The following LOXHD1 variants were observed in gnomAD, a reference collection of about 807,000 sequenced individuals.
The protein encoded by LOXHD1 is lipoxygenase homology domain-containing protein 1.
LOXHD1 carries 205 observed loss-of-function variants against 248.2 expected under a neutral mutation model. The observed-to-expected ratio is 0.83, with a 90% CI of 0.74 to 0.93. The LOEUF is 0.93. Among genes scored for constraint, LOXHD1 ranks in the 40% least tolerant of loss-of-function variants. The probability of loss-of-function intolerance (pLI) is 0.00; values close to 1 mark genes in which losing one functional copy is unlikely to be tolerated. For synonymous variants in LOXHD1, 1,113 were observed against 1,162.8 expected (o/e 0.96, Z 0.87); for missense variants, 2,930 against 2,971.6 (o/e 0.99, Z 0.33).
At chr18:46,512,405 C>T (rs1301143509) in intron 34 of LOXHD1, among the ~76,000 whole-genome samples, 4 of 152,088 alleles carry the variant, frequency 2.6e-5, no homozygotes, top group African/African-American at 9.7e-5. Context: ...GCACCCATTG[C>T]CTAGACACCC....
rs1201148648 is a variant in LOXHD1 at position 46,579,615 on chromosome 18, A to G, written c.1809+15T>C. 1.9e-6 allele frequency: 3 copies of G among 1,551,590 alleles called. No homozygotes were observed. Among genetic ancestry groups the G allele is most frequent in the Non-Finnish European group, 2.6e-6 (3 of 1,146,984 alleles). On this transcript the variant is annotated intron_variant, in intron 13 of 40. Coordinates refer to ENST00000642948, the MANE Select transcript of LOXHD1 (RefSeq NM_001384474.1). ...GGGAGGAAGGGGATGAGTGGGGCAC[A>G]TTGCTGTAACTTACATTGCCCTTTT...
At chr18:46,483,880 T>C in intron 39 of LOXHD1, 135 bp from the exon 40 acceptor site, 3 of 1,042,852 alleles carry the variant, frequency 2.9e-6, no homozygotes, top group Non-Finnish European at 4.1e-6. Flanking sequence ...CTCATGGCAG[T>C]CCTGGAGGCT....
intron 17 of LOXHD1, 97 bp from the exon 18 acceptor site, chr18:46,563,322 C>T: frequency 1.6e-6 from 2 of 1,247,220 alleles, no homozygotes; most frequent in Admixed American, 2.7e-5. Context: ...GTTCCAGGTG[C>T]CTGGCGCTTT....
At chr18:46,577,567 G>T in intron 14 of LOXHD1, 140 bp downstream of exon 14, 1 of 884,840 alleles carries the variant, frequency 1.1e-6, no homozygotes, top group Non-Finnish European at 1.7e-6. Flanking sequence ...CACCACCAGC[G>T]AGGTCACCTC....
At chr18:46,617,651 T>C (rs1251189733) in intron 5 of LOXHD1, among the ~76,000 whole-genome samples, 1 of 152,182 alleles carries the variant, frequency 6.6e-6, no homozygotes, top group Non-Finnish European at 1.5e-5. Flanking sequence ...TTCTGCTAAA[T>C]TGGCAGAAGC....
At chr18:46,500,231 C>T (rs1013009276) in intron 37 of LOXHD1, among the ~76,000 whole-genome samples, 1 of 152,168 alleles carries the variant, frequency 6.6e-6, no homozygotes, top group Non-Finnish European at 1.5e-5. Context: ...TTATTGATGA[C>T]TTTACTACTC....
At position 46,566,503 on chromosome 18, in the gene LOXHD1, T is replaced by C. The variant is rs117598394; in HGVS notation, c.2245-54A>G. 7.3e-3 allele frequency: 10,783 copies of C among 1,469,600 alleles called. 53 individuals carry two copies. The highest frequency in any genetic ancestry group is 8.7e-3 in the Non-Finnish European group (9,394 of 1,084,096). 91.0% of individuals were successfully genotyped at this position (1,469,600 alleles called of 1,614,324 possible). A position where few individuals can be genotyped will look rare whatever the true frequency, so the allele number is the denominator to read the frequency against. On this transcript the variant is annotated intron_variant, in intron 16 of 40. Coordinates refer to ENST00000642948, the MANE Select transcript of LOXHD1 (RefSeq NM_001384474.1). ...AGGAGCCAGTGTGTAGAAACCTCCA[T>C]GATCCCATCCCTACCTCCCCAAACA...
chr18:46,505,899 G>A lies in LOXHD1; in HGVS notation c.5817C>T (p.Asn1939=), dbSNP rs754823346. Residue 1939 remains asparagine, a synonymous_variant, in exon 37 of 41, where the codon AAC becomes AAT. Transcript: ENST00000642948. ...KFERNNTDTF[N]FPDMLSLGHL... ...GGCCCAAGCTCAGCATGTCAGGGAA[G>A]TTGAATGTGTCCGTGTTGTTCCGCT... The A allele has an allele frequency of 5.8e-6, 9 of 1,551,742 alleles. No individual in the cohort carries two copies. The highest frequency in any genetic ancestry group is 7.8e-6 in the Non-Finnish European group (9 of 1,147,050).
intron 1 of LOXHD1, among the ~76,000 whole-genome samples, chr18:46,651,930 C>T (rs1199025845): frequency 6.6e-6 from 1 of 152,206 alleles, no homozygotes; most frequent in Non-Finnish European, 1.5e-5. Context: ...CAAAGACCTG[C>T]ACACAAATGT....
At chr18:46,646,179 A>C (rs549528301) in intron 2 of LOXHD1, among the ~76,000 whole-genome samples, 14 of 152,256 alleles carry the variant, frequency 9.2e-5, no homozygotes, top group Non-Finnish European at 1.9e-4. Flanking sequence ...AGGGGATGGG[A>C]GGGCAGCAGA....
chr18:46,595,856 A>G (rs1599037296), intron 8 of LOXHD1, among the ~76,000 whole-genome samples: 1 of 152,148 alleles, frequency 6.6e-6, no homozygotes, highest in Non-Finnish European at 1.5e-5. Context: ...TTGTTCTCTC[A>G]TTGTTAACTG....
Position 46,601,645 on chromosome 18 carries a change from T to A in LOXHD1, c.884-178A>T, listed in dbSNP as rs931774575. ...TAATGTCCCTCTCGACCTCATTTCA[T>A]CTTTTCCAGAGTTTGTGTGTCCAAT... On this transcript the variant is annotated intron_variant, in intron 7 of 40. Transcript: ENST00000642948. 1.1e-5 allele frequency: 9 copies of A among 785,228 alleles called. No individual in the cohort carries two copies. The Admixed American group carries it at 1.6e-4, about 14-fold the overall frequency. The allele number at this position is 785,228 out of a possible 1,614,324, so 48.6% of individuals were successfully genotyped here.
chr18:46,652,128 A>T (rs1173976842), intron 1 of LOXHD1, among the ~76,000 whole-genome samples: 5 of 152,186 alleles, frequency 3.3e-5, no homozygotes, highest in Non-Finnish European at 7.3e-5. Flanking sequence ...CAGACACAAA[A>T]CACAACATAC....
chr18:46,566,989 G>A lies in LOXHD1; in HGVS notation c.2245-540C>T, dbSNP rs139972980. ...CTGCGGTTCTGTGTCCAATTCCTCT[G>A]CTCACTCTTGGACCCAAGGAACACT... On this transcript the variant is annotated intron_variant, in intron 16 of 40. Transcript: ENST00000642948. 5.5e-4 allele frequency among the ~76,000 whole-genome samples: 83 copies of A among 152,268 alleles called. No individual in the cohort carries two copies. In the East Asian group the frequency reaches 0.015, roughly 27 times the overall value.
At chr18:46,502,039 G>A (rs79232584) in intron 37 of LOXHD1, among the ~76,000 whole-genome samples, 170 of 152,326 alleles carry the variant, frequency 1.1e-3, no homozygotes, top group African/African-American at 3.9e-3. Context: ...ACATTTTTAA[G>A]CAAGGGATTC....
intron 26 of LOXHD1, among the ~76,000 whole-genome samples, chr18:46,535,572 G>A (rs2036271328): frequency 7.8e-6 from 1 of 128,428 alleles, no homozygotes; most frequent in East Asian, 1.9e-4. Context: ...CAGGATGGCT[G>A]CCTCTGTTTT....
intron 4 of LOXHD1, among the ~76,000 whole-genome samples, chr18:46,634,093 A>C (rs985635158): frequency 6.6e-6 from 1 of 152,230 alleles, no homozygotes; most frequent in African/African-American, 2.4e-5. Flanking sequence ...TGCCCAAAAG[A>C]ATTGAAAACA....
chr18:46,489,561 C>T (rs558839609), intron 37 of LOXHD1, among the ~76,000 whole-genome samples: 2 of 152,296 alleles, frequency 1.3e-5, no homozygotes, highest in African/African-American at 4.8e-5. Context: ...CTTCCTGACA[C>T]CAGTATTTAC....
chr18:46,497,604 C>T (rs2143764963), intron 37 of LOXHD1, among the ~76,000 whole-genome samples: 1 of 151,940 alleles, frequency 6.6e-6, no homozygotes, highest in Admixed American at 6.6e-5. Context: ...ATAACTGAAG[C>T]ATAAAAAGAC....
Sources: gnomAD v4.1 joint callset for allele counts (sites outside exome capture counted in the v4.1 genomes callset) on GRCh38, gnomAD v4.1.1 for gene constraint, MANE v1.5 for transcripts, NCBI Gene and HGNC (gene_info 2026-07-23, HGNC 2026-07-21) for gene names.